Variants in HERC2 observed in about 807,000 individuals in gnomAD.
The protein encoded by HERC2 is E3 ubiquitin-protein ligase HERC2.
A neutral mutation model predicts 537.7 loss-of-function variants in HERC2; 102 were observed. That is an observed-to-expected ratio of 0.19 (90% CI 0.16 to 0.22). The LOEUF (loss-of-function observed/expected upper bound fraction) is 0.22. HERC2 is among the 10% of genes least tolerant of loss of function. The pLI is 1.00. For missense variants in HERC2, 4,236 were observed against 6,198.2 expected (o/e 0.68, Z 10.63); for synonymous variants, 2,224 against 2,466.2 (o/e 0.90, Z 2.91).
chr15:28,279,381 A>G (rs903872764), intron 5 of HERC2, among the ~76,000 whole-genome samples: 2 of 152,168 alleles, frequency 1.3e-5, no homozygotes, highest in Non-Finnish European at 2.9e-5. Flanking sequence ...AAACATTACA[A>G]TCTATCTCCT....
At position 28,253,789 on chromosome 15, in the gene HERC2, C is replaced by A. The variant is rs182155601; in HGVS notation, c.3050+551G>T. On this transcript the variant is annotated intron_variant, in intron 20 of 92. Transcript: ENST00000261609. Reference sequence around the variant, plus strand: ...CCAGCCTGACCAATATTTTGAAACCCCGTCTCTACTAAAAATACAAAAATC... The same window carrying A: ...CCAGCCTGACCAATATTTTGAAACCACGTCTCTACTAAAAATACAAAAATC... Among the ~76,000 whole-genome samples the A allele has an allele frequency of 7.7e-3, 1,167 of 151,480 alleles. 21 individuals carry two copies. The highest frequency in any genetic ancestry group is 0.027 in the African/African-American group (1,109 of 41,252).
intron 65 of HERC2, among the ~76,000 whole-genome samples, chr15:28,171,416 G>C (rs1165504874): frequency 6.6e-6 from 1 of 152,120 alleles, no homozygotes; most frequent in South Asian, 2.1e-4. Context: ...GAACCAGAAA[G>C]GAGAAGATGA....
In HERC2 at chr15:28,173,163, C is replaced by T. The variant is rs551083741; in HGVS notation, c.10057+1232G>A. On this transcript the variant is annotated intron_variant, in intron 65 of 92. Coordinates refer to ENST00000261609, the MANE Select transcript of HERC2 (RefSeq NM_004667.6). ...ATCCACTTTGCAAAACAGTATGTAG[C>T]GATCTTAAGAAGCTAGACGTACACC... 1.4e-4 allele frequency among the ~76,000 whole-genome samples: 21 copies of T among 152,262 alleles called. No individual in the cohort carries two copies. The South Asian group carries it at 3.3e-3, about 24-fold the overall frequency.
intron 20 of HERC2, among the ~76,000 whole-genome samples, chr15:28,251,746 G>C (rs1327564307): frequency 6.6e-6 from 1 of 152,092 alleles, no homozygotes; most frequent in Non-Finnish European, 1.5e-5. Flanking sequence ...GTTACAGTGA[G>C]CCAAGATTAT....
At position 28,198,513 on chromosome 15, in the gene HERC2, T is replaced by C. The variant is rs1445011259; in HGVS notation, c.7886-10A>G. ...CTTGGTGGAGGATAGCCTACAGATG[T>C]CAATAACAAATCATTATAATCAATA... On this transcript the variant is annotated splice_polypyrimidine_tract_variant and intron_variant, in intron 49 of 92. Coordinates refer to ENST00000261609, the MANE Select transcript of HERC2 (RefSeq NM_004667.6). The C allele has an allele frequency of 6.2e-7, 1 of 1,612,638 alleles. No homozygotes were observed. Among genetic ancestry groups the C allele is most frequent in the Admixed American group, 1.7e-5 (1 of 59,642 alleles).
At chr15:28,137,908 T>C (rs919674414) in intron 78 of HERC2, among the ~76,000 whole-genome samples, 7 of 152,228 alleles carry the variant, frequency 4.6e-5, no homozygotes, top group African/African-American at 1.7e-4. Context: ...AAAAAGTTCT[T>C]GAAGCACAAT....
chr15:28,141,790 A>G lies in HERC2; in HGVS notation c.11757T>C (p.His3919=), dbSNP rs1891252497. 1.2e-6 allele frequency: 2 copies of G among 1,614,114 alleles called. No individual in the cohort carries two copies. Among genetic ancestry groups the G allele is most frequent in the African/African-American group, 1.3e-5 (1 of 74,932 alleles). The change falls in exon 77 of 93, where the codon CAT becomes CAC. Residue 3919 remains histidine (H), a synonymous_variant. Coordinates refer to ENST00000261609, the MANE Select transcript of HERC2 (RefSeq NM_004667.6). Reference sequence around the variant, plus strand: ...CTCTTTTAAAAATGTCATGGCTCTCATGCAGAACATCCATGTTTTCGCTGT... The same window carrying G: ...CTCTTTTAAAAATGTCATGGCTCTCGTGCAGAACATCCATGTTTTCGCTGT... ...MADSENMDVL[H]ESHDIFKREQ...
chr15:28,279,900 T>C (rs1434174069), intron 5 of HERC2, 168 bp downstream of exon 5: 26 of 610,290 alleles, frequency 4.3e-5, no homozygotes, highest in South Asian at 1.3e-4. Context: ...CATGAGCAAA[T>C]TGGCAAATCC....
At chr15:28,198,281 G>C (rs1897543128) in intron 50 of HERC2, 97 bp downstream of exon 50, 1 of 1,372,894 alleles carries the variant, frequency 7.3e-7, no homozygotes, top group South Asian at 1.4e-5. Flanking sequence ...TTCAACACTT[G>C]TTTTCTGTTT....
chr15:28,236,223 A>T (rs57299794), intron 26 of HERC2, among the ~76,000 whole-genome samples: 2,825 of 152,222 alleles, frequency 0.019, 81 homozygotes, highest in African/African-American at 0.065. Flanking sequence ...AACCACTCAC[A>T]GCTGTTTCTA....
chr15:28,168,651 G>C, intron 66 of HERC2, 61 bp from the exon 67 acceptor site: 1 of 1,514,536 alleles, frequency 6.6e-7, no homozygotes, highest in Non-Finnish European at 9.0e-7. Context: ...AGCACAGGAA[G>C]TGGAGAGGCA....
At chr15:28,184,728 G>A (rs1358306022) in intron 56 of HERC2, among the ~76,000 whole-genome samples, 1 of 151,310 alleles carries the variant, frequency 6.6e-6, no homozygotes, top group East Asian at 2.0e-4. Context: ...CGGGCATGGC[G>A]GCGTGCACCT....
intron 65 of HERC2, among the ~76,000 whole-genome samples, chr15:28,170,566 A>G (rs1424566442): frequency 1.3e-5 from 2 of 152,244 alleles, no homozygotes; most frequent in Non-Finnish European, 2.9e-5. Context: ...CTTTTAGAGA[A>G]AAATAGGAGA....
intron 56 of HERC2, among the ~76,000 whole-genome samples, chr15:28,182,777 C>T (rs971208329): frequency 2.0e-5 from 3 of 152,204 alleles, no homozygotes; most frequent in African/African-American, 7.2e-5. Context: ...AACGATGATA[C>T]ACCAGGCCTT....
intron 27 of HERC2, 35 bp from the exon 28 acceptor site, chr15:28,233,831 C>T: frequency 6.2e-7 from 1 of 1,610,674 alleles, no homozygotes; most frequent in Non-Finnish European, 8.5e-7. Flanking sequence ...ACTTCAGAGC[C>T]ACCCAGTGAG....
chr15:28,256,129 C>T lies in HERC2; in HGVS notation c.2706G>A (p.Glu902=), dbSNP rs778232034. ...SGWSVLLPTA[E]ERARALSALL... is the part of the protein sequence containing the mutation. ...GAGCAGAGAGTGCCCGGGCCCGCTC[C>T]TCCGCGGTGGGCAGCAGCACGGACC... is the stretch of plus-strand genomic sequence containing the variant. The change falls in exon 18 of 93, where the codon GAG becomes GAA. Residue 902 remains glutamate, a synonymous_variant. Coordinates refer to ENST00000261609, the MANE Select transcript of HERC2 (RefSeq NM_004667.6). 1.7e-5 allele frequency: 28 copies of T among 1,602,092 alleles called. No homozygotes were observed. In the South Asian group the frequency reaches 2.2e-4, roughly 13 times the overall value.
chr15:28,253,307 T>C lies in HERC2; in HGVS notation c.3050+1033A>G, dbSNP rs578021249. On this transcript the variant is annotated intron_variant, in intron 20 of 92. Coordinates refer to ENST00000261609, the MANE Select transcript of HERC2 (RefSeq NM_004667.6). Reference sequence around the variant, plus strand: ...CATTCTTTCACATTGACTTTAGTTTTGAAAAGAAAAGTTACCTTACAAAGT... The same window carrying C: ...CATTCTTTCACATTGACTTTAGTTTCGAAAAGAAAAGTTACCTTACAAAGT... 3.3e-5 allele frequency among the ~76,000 whole-genome samples: 5 copies of C among 152,370 alleles called. 1 individual carries two copies. In the East Asian group the frequency reaches 9.6e-4, roughly 29 times the overall value.
intron 78 of HERC2, among the ~76,000 whole-genome samples, chr15:28,140,299 A>G (rs1290574274): frequency 6.6e-6 from 1 of 151,932 alleles, no homozygotes; most frequent in Non-Finnish European, 1.5e-5. Flanking sequence ...CCAGAATCAC[A>G]CCGCAACCCC....
At chr15:28,169,794 TTAA>T (rs1894509126) in intron 65 of HERC2, 139 bp from the exon 66 acceptor site, 2 of 691,194 alleles carry the variant, frequency 2.9e-6, no homozygotes. Context: ...ATCAGGCTCA[TTAA>T]TAGGCCTTCA....
Sources: gnomAD v4.1 joint callset for allele counts (sites outside exome capture counted in the v4.1 genomes callset) on GRCh38, gnomAD v4.1.1 for gene constraint, MANE v1.5 for transcripts, NCBI Gene and HGNC (gene_info 2026-07-23, HGNC 2026-07-21) for gene names.